Variants in ROBO2 observed in about 807,000 individuals in gnomAD.
The protein encoded by ROBO2 is roundabout homolog 2.
ROBO2 carries 53 observed loss-of-function variants against 160.8 expected under a neutral mutation model. That is an observed-to-expected ratio of 0.33 (90% CI 0.26 to 0.41). ROBO2 has a LOEUF of 0.41. Ranked by LOEUF, ROBO2 falls within the 10% of genes least tolerant of loss-of-function variation. ROBO2 has a pLI of 1.00. For missense variants in ROBO2, 1,577 were observed against 1,722.4 expected, an observed-to-expected ratio of 0.92 and a Z score of 1.49; for synonymous variants, 664 against 611.7, an observed-to-expected ratio of 1.09 and a Z score of -1.26.
At chr3:76,688,649 C>T (rs923274988) in intron 2 of ROBO2, among the ~76,000 whole-genome samples, 8 of 150,814 alleles carry the variant, frequency 5.3e-5, no homozygotes, top group East Asian at 2.0e-4. Context: ...CCAAGAACAG[C>T]GCAGTCCTAG....
chr3:76,414,346 C>T (rs1024233455), intron 2 of ROBO2, among the ~76,000 whole-genome samples: 23 of 151,970 alleles, frequency 1.5e-4, no homozygotes, highest in Admixed American at 1.3e-4. Context: ...TTGTATGTAG[C>T]ACAGTTTTGT....
At chr3:76,838,913 A>G (rs1446739279) in intron 2 of ROBO2, among the ~76,000 whole-genome samples, 1 of 152,144 alleles carries the variant, frequency 6.6e-6, no homozygotes, top group Non-Finnish European at 1.5e-5. Flanking sequence ...AATCCACATG[A>G]AACTTGTAGA....
At chr3:76,639,044 C>G (rs1363531821) in intron 2 of ROBO2, among the ~76,000 whole-genome samples, 1 of 152,092 alleles carries the variant, frequency 6.6e-6, no homozygotes, top group Non-Finnish European at 1.5e-5. Flanking sequence ...TACACAGACA[C>G]TCTGCTTGAA....
At chr3:76,671,277 C>T (rs2593865) in intron 2 of ROBO2, among the ~76,000 whole-genome samples, 120,637 of 151,990 alleles carry the variant, frequency 0.79, 48,056 homozygotes, top group South Asian at 0.92. Context: ...TTCCCCCTCA[C>T]GCCATGCAGG....
At chr3:76,195,522 A>G (rs773941752) in intron 2 of ROBO2, among the ~76,000 whole-genome samples, 5 of 152,244 alleles carry the variant, frequency 3.3e-5, no homozygotes, top group Non-Finnish European at 5.9e-5. Context: ...TGGTTATAGA[A>G]GAATGTGATT....
intron 2 of ROBO2, among the ~76,000 whole-genome samples, chr3:76,590,584 A>G (rs2086352748): frequency 6.6e-6 from 1 of 152,206 alleles, no homozygotes; most frequent in Non-Finnish European, 1.5e-5. Context: ...TTATGTAACC[A>G]AAGGATATAA....
At position 77,640,096 on chromosome 3, in the gene ROBO2, C is replaced by CTTTTTTTTTTTT. The variant is rs1559785171; in HGVS notation, c.3935-4608_3935-4607insTTTTTTTTTTTT. On this transcript the variant is annotated intron_variant, in intron 24 of 25. Transcript: ENST00000461745. ...GAGAGAAGAAACACTGCAGAGGAAG[C>CTTTTTTTTTTTT]ATTTTTTTTTTTTTTTTTTTTTTTT... Among the ~76,000 whole-genome samples the CTTTTTTTTTTTT allele has an allele frequency of 1.4e-3, 140 of 97,398 alleles. 2 individuals are homozygous for CTTTTTTTTTTTT. Among genetic ancestry groups the CTTTTTTTTTTTT allele is most frequent in the Non-Finnish European group, 1.8e-3 (93 of 50,990 alleles). The allele number at this position is 97,398 out of a possible 152,430, so 63.9% of individuals were successfully genotyped here.
chr3:77,142,025 C>T (rs1474571781), intron 2 of ROBO2, among the ~76,000 whole-genome samples: 3 of 152,154 alleles, frequency 2.0e-5, no homozygotes, highest in African/African-American at 7.2e-5. Context: ...CTGTCTTATA[C>T]GTTGAACAGT....
At chr3:77,168,009 A>C (rs1437587057) in intron 2 of ROBO2, among the ~76,000 whole-genome samples, 1 of 152,214 alleles carries the variant, frequency 6.6e-6, no homozygotes, top group Non-Finnish European at 1.5e-5. Flanking sequence ...AAATGAGAAA[A>C]AATAATGAAC....
chr3:77,302,611 A>C (rs926258491), intron 2 of ROBO2, among the ~76,000 whole-genome samples: 2 of 152,196 alleles, frequency 1.3e-5, no homozygotes, highest in Non-Finnish European at 2.9e-5. Context: ...TGATAATGCC[A>C]AATTTCCAGA....
At chr3:77,453,369 T>TA (rs1173864003) in intron 2 of ROBO2, among the ~76,000 whole-genome samples, 4 of 147,090 alleles carry the variant, frequency 2.7e-5, no homozygotes, top group African/African-American at 1.0e-4. Context: ...GTCACAATTT[T>TA]AAAGCCTTTT....
chr3:77,128,953 T>G (rs1579226519), intron 2 of ROBO2, among the ~76,000 whole-genome samples: 1 of 152,170 alleles, frequency 6.6e-6, no homozygotes, highest in South Asian at 2.1e-4. Context: ...ATATGATAGG[T>G]GAAAATATTA....
At chr3:77,379,319 C>T (rs2073130375) in intron 2 of ROBO2, among the ~76,000 whole-genome samples, 1 of 152,096 alleles carries the variant, frequency 6.6e-6, no homozygotes, top group South Asian at 2.1e-4. Context: ...ATCTGCAATA[C>T]CTTTATATAA....
At chr3:77,623,455 G>A (rs1483926692) in intron 23 of ROBO2, among the ~76,000 whole-genome samples, 1 of 152,130 alleles carries the variant, frequency 6.6e-6, no homozygotes, top group African/African-American at 2.4e-5. Context: ...AACACTGATG[G>A]GAACTGGTTT....
chr3:77,133,550 G>T (rs2076031546), intron 2 of ROBO2, among the ~76,000 whole-genome samples: 1 of 151,732 alleles, frequency 6.6e-6, no homozygotes, highest in African/African-American at 2.4e-5. Flanking sequence ...TGGATGTAAA[G>T]AACTGTGTAT....
At chr3:76,308,090 C>A (rs2071406225) in intron 2 of ROBO2, among the ~76,000 whole-genome samples, 1 of 152,020 alleles carries the variant, frequency 6.6e-6, no homozygotes, top group African/African-American at 2.4e-5. Context: ...AGAATTATCC[C>A]TACTTTGGCT....
At chr3:76,010,906 A>T (rs1163272501) in intron 2 of ROBO2, among the ~76,000 whole-genome samples, 27 of 152,208 alleles carry the variant, frequency 1.8e-4, no homozygotes, top group Non-Finnish European at 1.5e-5. Flanking sequence ...TAGAACTCAC[A>T]TATTTAGTAC....
intron 2 of ROBO2, among the ~76,000 whole-genome samples, chr3:76,128,064 T>G (rs1246164430): frequency 6.6e-6 from 1 of 151,848 alleles, no homozygotes; most frequent in East Asian, 2.0e-4. Context: ...CCCAGCTAAT[T>G]TTTGCATTTT....
At chr3:76,222,880 G>A (rs1485830527) in intron 2 of ROBO2, among the ~76,000 whole-genome samples, 8 of 151,722 alleles carry the variant, frequency 5.3e-5, no homozygotes, top group East Asian at 3.9e-4. Context: ...TCAGCCTTCC[G>A]AGTAGCTGGG....
Sources: allele counts gnomAD v4.1 joint callset (sites outside exome capture counted in the v4.1 genomes callset), GRCh38; gene constraint gnomAD v4.1.1; transcripts MANE v1.5; gene names NCBI Gene and HGNC (gene_info 2026-07-23, HGNC 2026-07-21).